Variants in SPATA31H1 observed in about 807,000 individuals in gnomAD.
SPATA31H1 encodes spermatogenesis-associated protein 31H1.
the SPATA31H1 span, among the ~76,000 whole-genome samples, chr2:27,548,540 A>G: frequency 6.7e-6 from 1 of 150,210 alleles, no homozygotes; most frequent in South Asian, 2.1e-4. Context: ...CCTCGGGGGA[A>G]GAGGTTGCAT....
chr2:27,575,979 A>G, the SPATA31H1 span: 1 of 398,602 alleles, frequency 2.5e-6, no homozygotes, highest in South Asian at 1.3e-4. This position sits in a 1 kb window ranked among gnomAD's most constrained non-coding sequence, Gnocchi z 4.1. Context: ...GTTCAACCCT[A>G]TACCACATTT....
At chr2:27,579,054 A>G in the SPATA31H1 span, 1 of 1,614,220 alleles carries the variant, frequency 6.2e-7, no homozygotes, top group Non-Finnish European at 8.5e-7. Flanking sequence ...GACAACTAAG[A>G]GGAAGCAAAT....
chr2:27,558,880 G>A, the SPATA31H1 span, among the ~76,000 whole-genome samples: 1 of 108,982 alleles, frequency 9.2e-6, no homozygotes, highest in South Asian at 4.1e-4. Flanking sequence ...CGGCATCAGA[G>A]GGAGACCGTG....
the SPATA31H1 span, among the ~76,000 whole-genome samples, chr2:27,555,510 A>G: frequency 6.6e-6 from 1 of 151,868 alleles, no homozygotes; most frequent in Admixed American, 6.6e-5. Context: ...CATCTCTCCA[A>G]AAACCAAAAA....
chr2:27,544,225 A>G, the SPATA31H1 span, among the ~76,000 whole-genome samples: 9 of 152,060 alleles, frequency 5.9e-5, no homozygotes, highest in African/African-American at 2.2e-4. Context: ...ATAATTGAAT[A>G]CCATAAAATG....
At chr2:27,547,310 A>G in the SPATA31H1 span, among the ~76,000 whole-genome samples, 2 of 151,496 alleles carry the variant, frequency 1.3e-5, no homozygotes, top group African/African-American at 4.9e-5. Context: ...AGTAGCTGGG[A>G]TTACAGGTGC....
the SPATA31H1 span, chr2:27,578,102 T>A: frequency 6.2e-7 from 1 of 1,614,016 alleles, no homozygotes; most frequent in East Asian, 2.2e-5. Flanking sequence ...CAAAAGTTGT[T>A]CAATCTGTGA....
At chr2:27,570,809 A>G in the SPATA31H1 span, 1 of 398,928 alleles carries the variant, frequency 2.5e-6, no homozygotes, top group Non-Finnish European at 4.4e-6. Context: ...TAAAATATGT[A>G]GCAGGCAACC....
chr2:27,545,808 C>G, the SPATA31H1 span, among the ~76,000 whole-genome samples: 1 of 151,732 alleles, frequency 6.6e-6, no homozygotes, highest in South Asian at 2.1e-4. Context: ...GGTGATCTGC[C>G]CCCCTCGGTC....
chr2:27,556,705 T>TA, the SPATA31H1 span, among the ~76,000 whole-genome samples: 7 of 143,466 alleles, frequency 4.9e-5, no homozygotes, highest in Non-Finnish European at 1.1e-4. Context: ...TTTTTTTTTT[T>TA]AATTAATTTA....
chr2:27,577,448 A>G, the SPATA31H1 span: 1 of 1,614,072 alleles, frequency 6.2e-7, no homozygotes, highest in South Asian at 1.1e-5. The surrounding 1 kb of genome is among the most constrained non-coding windows in gnomAD (Gnocchi z 4.5). Context: ...AATTCTTTGG[A>G]ATGACCCCAA....
At chr2:27,565,344 A>G in the SPATA31H1 span, 2 of 717,252 alleles carry the variant, frequency 2.8e-6, no homozygotes, top group African/African-American at 3.5e-5. Context: ...TAGACTTCAA[A>G]GCAGCATAGA....
chr2:27,579,118 G>C, the SPATA31H1 span: 1 of 1,614,142 alleles, frequency 6.2e-7, no homozygotes. Context: ...TGGAGATCAC[G>C]ATCTAGGACA....
the SPATA31H1 span, among the ~76,000 whole-genome samples, chr2:27,541,557 C>T: frequency 3.3e-5 from 5 of 151,356 alleles, no homozygotes; most frequent in South Asian, 2.1e-4. Context: ...GAACGAACGA[C>T]TTCTCAGTTT....
the SPATA31H1 span, chr2:27,580,712 G>A: frequency 5.6e-6 from 9 of 1,614,076 alleles, no homozygotes; most frequent in South Asian, 5.5e-5. Flanking sequence ...ACGGGACAAG[G>A]CCAGACAATT....
the SPATA31H1 span, among the ~76,000 whole-genome samples, chr2:27,551,343 G>A: frequency 6.6e-6 from 1 of 151,916 alleles, no homozygotes; most frequent in Non-Finnish European, 1.5e-5. Context: ...CCTAACATAG[G>A]AGAAGTAATT....
chr2:27,572,507 G>A, the SPATA31H1 span: 1 of 398,206 alleles, frequency 2.5e-6, no homozygotes, highest in Non-Finnish European at 4.4e-6. Flanking sequence ...CAAAACCTAT[G>A]GAGTTTAACC....
the SPATA31H1 span, chr2:27,578,841 G>C: frequency 1.2e-6 from 2 of 1,614,088 alleles, no homozygotes; most frequent in Non-Finnish European, 1.7e-6. Context: ...TTGGGATTCT[G>C]GGATACAGGA....
At chr2:27,540,421 A>G in the SPATA31H1 span, among the ~76,000 whole-genome samples, 1 of 120,292 alleles carries the variant, frequency 8.3e-6, no homozygotes, top group Non-Finnish European at 1.7e-5. Flanking sequence ...TCCCTCCTGG[A>G]CGGGGCGACT....
Sources: allele counts gnomAD v4.1 joint callset (sites outside exome capture counted in the v4.1 genomes callset), GRCh38; gene constraint gnomAD v4.1.1; non-coding constraint Gnocchi (gnomAD v3.1); transcripts MANE v1.5; gene names NCBI Gene and HGNC (gene_info 2026-07-23, HGNC 2026-07-21).